The following TNNI3K variants were observed in gnomAD, a reference collection of about 807,000 sequenced individuals.
TNNI3K encodes serine/threonine-protein kinase TNNI3K.
TNNI3K carries 140 observed loss-of-function variants against 114.5 expected under a neutral mutation model. That is an observed-to-expected ratio of 1.22 (90% CI 1.07 to 1.41). The LOEUF is 1.41. Among genes scored for constraint, TNNI3K ranks in the 40% most tolerant of loss-of-function variants. The pLI, the probability that TNNI3K is intolerant of heterozygous loss-of-function variation, is 0.00. For missense variants in TNNI3K, 1,125 were observed against 1,007.6 expected (o/e 1.12, Z -1.58); for synonymous variants, 347 against 347.5 (o/e 1.00, Z 0.02).
intron 5 of TNNI3K, among the ~76,000 whole-genome samples, chr1:74,303,598 T>C (rs1176964162): frequency 6.6e-6 from 1 of 152,206 alleles, no homozygotes; most frequent in East Asian, 1.9e-4. Flanking sequence ...AAGAAGGAGA[T>C]GAATGTTGCT....
chr1:74,538,005 A>G (rs1203540165), intron 23 of TNNI3K, among the ~76,000 whole-genome samples: 1 of 152,182 alleles, frequency 6.6e-6, no homozygotes, highest in African/African-American at 2.4e-5. Flanking sequence ...TAACTTGCCA[A>G]GATAGTAAGT....
chr1:74,437,383 TAA>T (rs1248329891), intron 19 of TNNI3K, among the ~76,000 whole-genome samples: 1 of 152,066 alleles, frequency 6.6e-6, no homozygotes, highest in Non-Finnish European at 1.5e-5. Context: ...TGGAAGGGGA[TAA>T]ATACTGGACA....
At chr1:74,352,931 C>G (rs1348975821) in intron 9 of TNNI3K, among the ~76,000 whole-genome samples, 2 of 152,166 alleles carry the variant, frequency 1.3e-5, no homozygotes, top group Admixed American at 6.5e-5. Flanking sequence ...GAGGCAATGC[C>G]TCGCCCTACT....
chr1:74,349,602 G>T (rs2100463951), intron 9 of TNNI3K, among the ~76,000 whole-genome samples: 1 of 152,184 alleles, frequency 6.6e-6, no homozygotes, highest in Non-Finnish European at 1.5e-5. Flanking sequence ...ATCTGGTCCT[G>T]GACTTTTTTT....
At chr1:74,276,108 G>T (rs573255910) in intron 5 of TNNI3K, among the ~76,000 whole-genome samples, 58 of 152,158 alleles carry the variant, frequency 3.8e-4, no homozygotes, top group African/African-American at 1.3e-3. Flanking sequence ...CTTGGGTAAA[G>T]GATTCAATTT....
At chr1:74,524,623 C>T (rs566282132) in intron 23 of TNNI3K, among the ~76,000 whole-genome samples, 1 of 152,144 alleles carries the variant, frequency 6.6e-6, no homozygotes, top group African/African-American at 2.4e-5. Context: ...TATTCATTCA[C>T]TTAGCAAATA....
intron 7 of TNNI3K, among the ~76,000 whole-genome samples, chr1:74,341,133 A>G (rs1660728149): frequency 6.6e-6 from 1 of 152,198 alleles, no homozygotes; most frequent in Non-Finnish European, 1.5e-5. Context: ...AGTTGATTCC[A>G]TTATTTTAGT....
chr1:74,473,072 A>T (rs1444598439), intron 21 of TNNI3K, among the ~76,000 whole-genome samples: 2 of 152,100 alleles, frequency 1.3e-5, no homozygotes, highest in African/African-American at 4.8e-5. Context: ...TCTGCCTCTA[A>T]TCTCCTTTTA....
intron 11 of TNNI3K, among the ~76,000 whole-genome samples, chr1:74,357,224 T>C (rs961373404): frequency 1.3e-5 from 2 of 152,134 alleles, no homozygotes; most frequent in Non-Finnish European, 2.9e-5. Context: ...CTACTTGATG[T>C]AAGAATGGCC....
At chr1:74,394,930 G>C (rs971657491) in intron 17 of TNNI3K, among the ~76,000 whole-genome samples, 1 of 151,974 alleles carries the variant, frequency 6.6e-6, no homozygotes, top group Non-Finnish European at 1.5e-5. Flanking sequence ...TGTAGTCCCA[G>C]CTACTCGGGA....
chr1:74,480,057 T>C (rs1230521325), intron 21 of TNNI3K: 1 of 621,654 alleles, frequency 1.6e-6, no homozygotes, highest in African/African-American at 1.8e-5. Context: ...TCCATAGCCC[T>C]GGCAACCAAG....
chr1:74,535,720 T>C (rs909237838), intron 23 of TNNI3K, among the ~76,000 whole-genome samples: 1 of 152,194 alleles, frequency 6.6e-6, no homozygotes, highest in Non-Finnish European at 1.5e-5. Context: ...ATTGTTGATG[T>C]CTAAGGTTCA....
intron 5 of TNNI3K, among the ~76,000 whole-genome samples, chr1:74,295,884 C>T (rs1008330809): frequency 2.0e-5 from 3 of 151,896 alleles, no homozygotes; most frequent in African/African-American, 7.2e-5. Flanking sequence ...TGTTGCTCCA[C>T]CTATTGTTTT....
At chr1:74,287,735 T>C (rs1657421534) in intron 5 of TNNI3K, among the ~76,000 whole-genome samples, 1 of 152,160 alleles carries the variant, frequency 6.6e-6, no homozygotes, top group Middle Eastern at 3.4e-3. Context: ...ATTAACAGGA[T>C]TGCATCAAAC....
At chr1:74,484,001 T>C (rs1382422146) in intron 21 of TNNI3K, among the ~76,000 whole-genome samples, 5 of 152,184 alleles carry the variant, frequency 3.3e-5, no homozygotes, top group African/African-American at 1.2e-4. Flanking sequence ...ATATTTCTTT[T>C]TATTTTTTGC....
chr1:74,311,514 T>G (rs1658995872), intron 5 of TNNI3K, among the ~76,000 whole-genome samples: 1 of 152,206 alleles, frequency 6.6e-6, no homozygotes, highest in East Asian at 1.9e-4. Flanking sequence ...TAAAATATAT[T>G]AACACAGAAG....
intron 21 of TNNI3K, among the ~76,000 whole-genome samples, chr1:74,487,024 G>C (rs141269437): frequency 6.6e-6 from 1 of 152,128 alleles, no homozygotes. Flanking sequence ...GGGAGAAGGG[G>C]AATTAGAGAC....
intron 5 of TNNI3K, among the ~76,000 whole-genome samples, chr1:74,296,169 T>G (rs928635678): frequency 4.6e-5 from 7 of 151,760 alleles, no homozygotes; most frequent in Admixed American, 4.6e-4. Context: ...CCAGCTACTC[T>G]GGAGGCTGAG....
At chr1:74,518,752 A>G (rs537272205) in intron 23 of TNNI3K, among the ~76,000 whole-genome samples, 4 of 152,166 alleles carry the variant, frequency 2.6e-5, no homozygotes, top group Non-Finnish European at 5.9e-5. Flanking sequence ...ATTTATTTCC[A>G]TAAGTAAAGG....
Sources: gnomAD v4.1 joint callset for allele counts (sites outside exome capture counted in the v4.1 genomes callset) on GRCh38, gnomAD v4.1.1 for gene constraint, MANE v1.5 for transcripts, NCBI Gene and HGNC (gene_info 2026-07-23, HGNC 2026-07-21) for gene names.